The following CNTN3 variants were observed in gnomAD, a reference collection of about 807,000 sequenced individuals.
CNTN3 encodes the protein contactin-3.
Under a neutral mutation model 119.1 loss-of-function variants are expected in CNTN3, and 60 were observed. That is an observed-to-expected ratio of 0.50 (90% CI 0.41 to 0.62). The LOEUF (loss-of-function observed/expected upper bound fraction) is 0.62, where lower values mean the gene tolerates loss of function less well. Ranked by LOEUF, CNTN3 falls within the 20% of genes least tolerant of loss-of-function variation. CNTN3 has a pLI of 0.00. For synonymous variants in CNTN3, 450 were observed against 438.7 expected (o/e 1.03, Z -0.32); for missense variants, 1,101 against 1,242.4 (o/e 0.89, Z 1.71).
In CNTN3 at chr3:74,301,564, C is replaced by T. The variant is rs760993849; in HGVS notation, c.1946-17G>A. On this transcript the variant is annotated splice_polypyrimidine_tract_variant and intron_variant, in intron 15 of 22. Transcript: ENST00000263665. ...CCTCAGGCACTACAAAGGAATATTTCAGAGGTAAGAGTCTGCCTGCTTTAG... is the reference window on the plus strand; with the variant it reads ...CCTCAGGCACTACAAAGGAATATTTTAGAGGTAAGAGTCTGCCTGCTTTAG... 2 of 1,613,194 alleles carry T rather than the reference C, an allele frequency of 1.2e-6. No individual in the cohort carries two copies. Among genetic ancestry groups the T allele is most frequent in the East Asian group, 2.2e-5 (1 of 44,876 alleles).
intron 22 of CNTN3, among the ~76,000 whole-genome samples, chr3:74,266,236 C>T (rs1374536608): frequency 6.6e-6 from 1 of 152,028 alleles, no homozygotes; most frequent in East Asian, 1.9e-4. Flanking sequence ...GAAAAAAAAT[C>T]AAATTAATGA....
chr3:74,504,630 T>A (rs1703220652), intron 2 of CNTN3, among the ~76,000 whole-genome samples: 1 of 152,182 alleles, frequency 6.6e-6, no homozygotes, highest in Non-Finnish European at 1.5e-5. Flanking sequence ...AATATCTGAA[T>A]GCCAGACATG....
At chr3:74,299,964 G>A in intron 16 of CNTN3, 26 bp from the exon 17 acceptor site, 4 of 1,433,968 alleles carry the variant, frequency 2.8e-6, no homozygotes, top group Non-Finnish European at 3.8e-6. Flanking sequence ...AAACAGAGAT[G>A]AAATGGTACT....
At position 74,359,300 on chromosome 3, in the gene CNTN3, T is replaced by C. The variant is rs555239476; in HGVS notation, c.1364+2590A>G. Reference sequence around the variant, plus strand: ...TATTTATAACATGATCTCATTCTTATAGATCAGTATATGTATATGTACAAA... The same window carrying C: ...TATTTATAACATGATCTCATTCTTACAGATCAGTATATGTATATGTACAAA... On this transcript the variant is annotated intron_variant, in intron 11 of 22. Transcript: ENST00000263665. 6.7e-4 allele frequency among the ~76,000 whole-genome samples: 102 copies of C among 152,314 alleles called. 1 individual carries two copies. The South Asian group carries it at 0.017, about 26-fold the overall frequency.
intron 5 of CNTN3, among the ~76,000 whole-genome samples, chr3:74,423,255 T>A (rs569180644): frequency 3.3e-4 from 50 of 152,272 alleles, no homozygotes; most frequent in African/African-American, 1.2e-3. Flanking sequence ...AAAACTAGGA[T>A]TCAACTGGGA....
At chr3:74,412,561 C>T (rs116167823) in intron 5 of CNTN3, among the ~76,000 whole-genome samples, 4,212 of 152,196 alleles carry the variant, frequency 0.028, 81 homozygotes, top group Middle Eastern at 0.061. Flanking sequence ...TTTGTAATCC[C>T]TCAGATTGCT....
At chr3:74,512,202 T>C (rs1023721195) in intron 2 of CNTN3, among the ~76,000 whole-genome samples, 14 of 152,158 alleles carry the variant, frequency 9.2e-5, no homozygotes, top group Admixed American at 2.0e-4. Flanking sequence ...TGAGGAATCA[T>C]AATTTATGGG....
At chr3:74,339,961 G>A (rs959819198) in intron 11 of CNTN3, among the ~76,000 whole-genome samples, 8 of 151,894 alleles carry the variant, frequency 5.3e-5, no homozygotes, top group African/African-American at 1.9e-4. Context: ...CCATATCTGC[G>A]GTTTCTGCAT....
intron 1 of CNTN3, among the ~76,000 whole-genome samples, chr3:74,581,299 T>G (rs1386923691): frequency 6.6e-6 from 1 of 152,084 alleles, no homozygotes; most frequent in Non-Finnish European, 1.5e-5. Flanking sequence ...TACAATACAA[T>G]GCCAGTACAT....
At chr3:74,434,741 C>T (rs185772759) in intron 4 of CNTN3, among the ~76,000 whole-genome samples, 6 of 152,314 alleles carry the variant, frequency 3.9e-5, no homozygotes, top group Admixed American at 3.9e-4. Context: ...GTGTAAATTA[C>T]TTAAAACACT....
chr3:74,536,247 C>T (rs112356655), intron 1 of CNTN3, among the ~76,000 whole-genome samples: 1 of 152,024 alleles, frequency 6.6e-6, no homozygotes, highest in African/African-American at 2.4e-5. Context: ...TGGAGATCTC[C>T]TTAGCCCTGT....
chr3:74,435,408 C>T (rs570156439), intron 4 of CNTN3, among the ~76,000 whole-genome samples: 2 of 152,246 alleles, frequency 1.3e-5, no homozygotes, highest in East Asian at 3.9e-4. Flanking sequence ...AACTCTTGGG[C>T]TCAAGCAATC....
intron 1 of CNTN3, among the ~76,000 whole-genome samples, chr3:74,538,947 T>A (rs186440387): frequency 1.1e-4 from 16 of 152,206 alleles, no homozygotes; most frequent in Admixed American, 1.0e-3. Context: ...GGCAGTACCA[T>A]GGTCTTTCAA....
chr3:74,606,090 T>A (rs1704987403), intron 1 of CNTN3, among the ~76,000 whole-genome samples: 1 of 151,928 alleles, frequency 6.6e-6, no homozygotes, highest in South Asian at 2.1e-4. Context: ...TAGAGACCAT[T>A]GAAAGCATTC....
intron 4 of CNTN3, among the ~76,000 whole-genome samples, chr3:74,457,180 T>G (rs1261491925): frequency 1.3e-5 from 2 of 152,076 alleles, no homozygotes; most frequent in South Asian, 4.1e-4. Flanking sequence ...ATTATAAAAT[T>G]GTCTTTGTTG....
At chr3:74,400,317 G>A (rs952132355) in intron 5 of CNTN3, among the ~76,000 whole-genome samples, 2 of 152,192 alleles carry the variant, frequency 1.3e-5, no homozygotes, top group Admixed American at 6.5e-5. Context: ...TAACAGATGG[G>A]AACACCAAAG....
chr3:74,507,626 C>CTTTTTTTTTTTTTTTTTTTTTT (rs59540461), intron 2 of CNTN3, among the ~76,000 whole-genome samples: 2 of 103,646 alleles, frequency 1.9e-5, no homozygotes, highest in African/African-American at 4.0e-5. Flanking sequence ...TTCTTTCTTT[C>CTTTTTTTTTTTTTTTTTTTTTT]TTTTTTTTTT....
intron 18 of CNTN3, 52 bp from the exon 19 acceptor site, chr3:74,295,288 A>C (rs1339152615): frequency 9.5e-6 from 9 of 950,362 alleles, no homozygotes; most frequent in Non-Finnish European, 1.5e-5. Flanking sequence ...AGTTAGTTTA[A>C]AACACAGATT....
chr3:74,348,468 G>C (rs1203017380), intron 11 of CNTN3, among the ~76,000 whole-genome samples: 2 of 152,148 alleles, frequency 1.3e-5, no homozygotes, highest in East Asian at 3.9e-4. Context: ...AGGGAATTCA[G>C]CTTCCACCTT....
Sources: allele counts gnomAD v4.1 joint callset (sites outside exome capture counted in the v4.1 genomes callset), GRCh38; gene constraint gnomAD v4.1.1; transcripts MANE v1.5; gene names NCBI Gene and HGNC (gene_info 2026-07-23, HGNC 2026-07-21).